The following CNTN3 variants were observed in gnomAD, a reference collection of about 807,000 sequenced individuals.
CNTN3 encodes contactin-3.
CNTN3 carries 60 observed loss-of-function variants against 119.1 expected under a neutral mutation model. The observed-to-expected ratio is 0.50, with a 90% CI of 0.41 to 0.62. The LOEUF (loss-of-function observed/expected upper bound fraction) is 0.62. Ranked by LOEUF, CNTN3 falls within the 20% of genes least tolerant of loss-of-function variation. CNTN3 has a pLI of 0.00. For synonymous variants in CNTN3, 450 were observed against 438.7 expected, an observed-to-expected ratio of 1.03 and a Z score of -0.32; for missense variants, 1,101 against 1,242.4, an observed-to-expected ratio of 0.89 and a Z score of 1.71.
chr3:74,377,341 G>C (rs1427835291), intron 5 of CNTN3, among the ~76,000 whole-genome samples: 1 of 151,930 alleles, frequency 6.6e-6, no homozygotes, highest in African/African-American at 2.4e-5. Context: ...AAATATTTGA[G>C]AATAATGTGA....
chr3:74,453,979 T>C (rs1481569600), intron 4 of CNTN3, among the ~76,000 whole-genome samples: 1 of 150,924 alleles, frequency 6.6e-6, no homozygotes, highest in South Asian at 2.1e-4. Flanking sequence ...GAAAAAAATG[T>C]ATGTTCTGTT....
intron 13 of CNTN3, among the ~76,000 whole-genome samples, chr3:74,305,147 C>T (rs1479466389): frequency 6.6e-6 from 1 of 152,146 alleles, no homozygotes; most frequent in African/African-American, 2.4e-5. Context: ...GTGGTGTAAA[C>T]ATGTGAAACA....
intron 1 of CNTN3, among the ~76,000 whole-genome samples, chr3:74,593,881 C>G (rs1045355706): frequency 2.0e-5 from 3 of 151,914 alleles, no homozygotes; most frequent in Admixed American, 6.6e-5. Flanking sequence ...TCTCCCAATA[C>G]TCTCCCACCT....
intron 4 of CNTN3, among the ~76,000 whole-genome samples, chr3:74,430,754 T>C (rs1327900497): frequency 2.6e-5 from 4 of 152,040 alleles, no homozygotes; most frequent in African/African-American, 9.7e-5. Context: ...GTGATAAAAT[T>C]AGAACTAAAT....
At chr3:74,356,631 T>A (rs951194008) in intron 11 of CNTN3, among the ~76,000 whole-genome samples, 9 of 152,116 alleles carry the variant, frequency 5.9e-5, no homozygotes, top group Non-Finnish European at 1.3e-4. Context: ...GTACTCAAGG[T>A]ATTTTCAAGT....
chr3:74,509,906 A>G (rs887412627), intron 2 of CNTN3, among the ~76,000 whole-genome samples: 2 of 151,896 alleles, frequency 1.3e-5, no homozygotes, highest in East Asian at 1.9e-4. Context: ...AATATATTAC[A>G]TGTACTTGTT....
chr3:74,601,039 T>G (rs959378353), intron 1 of CNTN3, among the ~76,000 whole-genome samples: 8 of 150,210 alleles, frequency 5.3e-5, no homozygotes, highest in Non-Finnish European at 1.2e-4. Flanking sequence ...CATATGTATA[T>G]CATATATATT....
intron 13 of CNTN3, among the ~76,000 whole-genome samples, chr3:74,307,775 A>G (rs1293541892): frequency 6.6e-6 from 1 of 152,226 alleles, no homozygotes. Flanking sequence ...CCTTGCAAAT[A>G]TTGTACAAAC....
At chr3:74,341,497 T>G (rs891166298) in intron 11 of CNTN3, among the ~76,000 whole-genome samples, 1 of 152,180 alleles carries the variant, frequency 6.6e-6, no homozygotes, top group African/African-American at 2.4e-5. Flanking sequence ...GCAATTTAAA[T>G]CACTGTGGCA....
At chr3:74,320,024 G>A (rs539933637) in intron 13 of CNTN3, among the ~76,000 whole-genome samples, 2 of 152,314 alleles carry the variant, frequency 1.3e-5, no homozygotes, top group South Asian at 4.1e-4. Flanking sequence ...AAGAACAGGT[G>A]CTGGAGACGA....
intron 1 of CNTN3, among the ~76,000 whole-genome samples, chr3:74,524,988 G>A (rs1349350848): frequency 6.6e-6 from 1 of 151,768 alleles, no homozygotes; most frequent in East Asian, 2.0e-4. Flanking sequence ...AGATGTATGG[G>A]GGTCAATCTT....
At chr3:74,362,941 TAA>T (rs912559451) in intron 10 of CNTN3, among the ~76,000 whole-genome samples, 44 of 152,284 alleles carry the variant, frequency 2.9e-4, no homozygotes, top group African/African-American at 8.7e-4. Flanking sequence ...TTAAAAATCA[TAA>T]AAGAGTGATT....
chr3:74,379,318 G>C (rs539925012), intron 5 of CNTN3, among the ~76,000 whole-genome samples: 1 of 152,174 alleles, frequency 6.6e-6, no homozygotes, highest in African/African-American at 2.4e-5. Flanking sequence ...ACCATGTCTG[G>C]CTAATTTTTG....
At chr3:74,415,236 G>A (rs1164891785) in intron 5 of CNTN3, among the ~76,000 whole-genome samples, 2 of 152,076 alleles carry the variant, frequency 1.3e-5, no homozygotes, top group East Asian at 1.9e-4. Context: ...ACTGGAAGGC[G>A]GAAGTGTGAA....
intron 5 of CNTN3, among the ~76,000 whole-genome samples, chr3:74,404,888 G>A (rs954769194): frequency 6.6e-6 from 1 of 151,814 alleles, no homozygotes; most frequent in Non-Finnish European, 1.5e-5. Flanking sequence ...GTAGGGACAG[G>A]TAATCCAATT....
At chr3:74,334,209 T>G (rs1703335080) in intron 13 of CNTN3, among the ~76,000 whole-genome samples, 1 of 152,228 alleles carries the variant, frequency 6.6e-6, no homozygotes, top group African/African-American at 2.4e-5. Context: ...GTTCCACCAC[T>G]AACTAGCTGA....
chr3:74,471,528 A>C (rs1017102764), intron 4 of CNTN3, among the ~76,000 whole-genome samples: 6 of 152,250 alleles, frequency 3.9e-5, no homozygotes, highest in East Asian at 3.9e-4. Context: ...CCTCACTGCC[A>C]CAGAACACCT....
intron 19 of CNTN3, among the ~76,000 whole-genome samples, chr3:74,289,303 C>T (rs915474941): frequency 3.3e-5 from 5 of 152,094 alleles, no homozygotes; most frequent in South Asian, 2.1e-4. Context: ...AATGTTTAAT[C>T]GTTGTTTCCT....
At chr3:74,326,209 C>A in intron 13 of CNTN3, among the ~76,000 whole-genome samples, 1 of 152,232 alleles carries the variant, frequency 6.6e-6, no homozygotes, top group Non-Finnish European at 1.5e-5. Flanking sequence ...AGGCCTCACA[C>A]ACTTCTTGTA....
Sources: gnomAD v4.1 joint callset for allele counts (sites outside exome capture counted in the v4.1 genomes callset) on GRCh38, gnomAD v4.1.1 for gene constraint, MANE v1.5 for transcripts, NCBI Gene and HGNC (gene_info 2026-07-23, HGNC 2026-07-21) for gene names.